The following CREB3L2 variants were observed in gnomAD, a reference collection of about 807,000 sequenced individuals.
CREB3L2 encodes the protein cAMP responsive element binding protein 3 like 2.
CREB3L2 carries 23 observed loss-of-function variants against 57.2 expected under a neutral mutation model. The ratio of observed to expected loss-of-function variants is 0.40; its 90% CI spans 0.29 to 0.57. The LOEUF is 0.57. CREB3L2 is among the 20% of genes least tolerant of loss of function. The pLI, the probability that CREB3L2 is intolerant of heterozygous loss-of-function variation, is 0.42. For synonymous variants in CREB3L2, 268 were observed against 265.1 expected, an observed-to-expected ratio of 1.01 and a Z score of -0.11; for missense variants, 628 against 634.7, an observed-to-expected ratio of 0.99 and a Z score of 0.11.
At chr7:137,989,692 G>A (rs1474112690) in intron 1 of CREB3L2, among the ~76,000 whole-genome samples, 1 of 151,906 alleles carries the variant, frequency 6.6e-6, no homozygotes, top group Non-Finnish European at 1.5e-5. Context: ...TGCCCTTTAC[G>A]TGTCGCTCCT....
intron 1 of CREB3L2, among the ~76,000 whole-genome samples, chr7:137,930,816 C>T (rs1585637295): frequency 6.6e-6 from 1 of 152,182 alleles, no homozygotes; most frequent in African/African-American, 2.4e-5. Context: ...CACATGCCAA[C>T]TGCCTGCATC....
At chr7:137,991,163 T>C (rs1380892161) in intron 1 of CREB3L2, among the ~76,000 whole-genome samples, 2 of 140,172 alleles carry the variant, frequency 1.4e-5, no homozygotes, top group Non-Finnish European at 1.5e-5. Flanking sequence ...TTTACATAGC[T>C]TTTTTTTTTT....
At chr7:137,912,627 G>A (rs1470657561) in intron 4 of CREB3L2, among the ~76,000 whole-genome samples, 3 of 152,162 alleles carry the variant, frequency 2.0e-5, no homozygotes, top group Non-Finnish European at 4.4e-5. Flanking sequence ...TTTTGTAGAT[G>A]GTTGTTGATT....
intron 1 of CREB3L2, among the ~76,000 whole-genome samples, chr7:137,988,010 T>C (rs1801820828): frequency 6.6e-6 from 1 of 152,222 alleles, no homozygotes; most frequent in Non-Finnish European, 1.5e-5. Context: ...AAACTCTGTG[T>C]CTCCTTCAAA....
chr7:137,902,020 C>A (rs1333750229), intron 7 of CREB3L2, among the ~76,000 whole-genome samples: 1 of 151,230 alleles, frequency 6.6e-6, no homozygotes, highest in Non-Finnish European at 1.5e-5. Context: ...ATGGTGAAAC[C>A]CCATCTCTAC....
At chr7:137,902,031 T>A (rs569892795) in intron 7 of CREB3L2, among the ~76,000 whole-genome samples, 1 of 151,276 alleles carries the variant, frequency 6.6e-6, no homozygotes, top group African/African-American at 2.4e-5. Flanking sequence ...CCATCTCTAC[T>A]AAAAATGCAA....
intron 1 of CREB3L2, among the ~76,000 whole-genome samples, chr7:137,936,112 C>T (rs1489554747): frequency 6.6e-6 from 1 of 152,178 alleles, no homozygotes; most frequent in Non-Finnish European, 1.5e-5. Context: ...CAGTACTCTC[C>T]ACTAAGGTTC....
chr7:137,924,332 C>T, intron 2 of CREB3L2, among the ~76,000 whole-genome samples: 1 of 152,210 alleles, frequency 6.6e-6, no homozygotes, highest in East Asian at 1.9e-4. Flanking sequence ...CTTGTATCAT[C>T]TTAGAGGATA....
At position 138,001,526 on chromosome 7, in the gene CREB3L2, C is replaced by T; in HGVS notation, c.102+78G>A. On this transcript the variant is annotated intron_variant, in intron 1 of 11. Transcript: ENST00000330387. This position sits in a 1 kb window ranked among gnomAD's most constrained non-coding sequence, Gnocchi z 4.2. ...GCCCCAAACCCTGCCTTCCCGGGTC[C>T]CAGGACTCCAGCTGCTCCTCGCGTG... is the stretch of plus-strand genomic sequence containing the variant. 2 of 1,114,890 alleles carry T rather than the reference C, an allele frequency of 1.8e-6. No homozygotes were observed. Among genetic ancestry groups the T allele is most frequent in the Non-Finnish European group, 2.6e-6 (2 of 765,662 alleles). The allele number at this position is 1,114,890 out of a possible 1,614,324, so 69.1% of individuals were successfully genotyped here. A position where few individuals can be genotyped will look rare whatever the true frequency, so the allele number is the denominator to read the frequency against.
At position 137,879,318 on chromosome 7, in the gene CREB3L2, G is replaced by A. The variant is rs962618809; in HGVS notation, c.*1158C>T. On this transcript the variant is annotated 3_prime_UTR_variant, in exon 12 of 12. Transcript: ENST00000330387. Reference sequence around the variant, plus strand: ...ACCCTGCTTTGTTGAGGTAGGGGACGAGGAGGACAAAGTGGAAGTGTGGAG... The same window carrying A: ...ACCCTGCTTTGTTGAGGTAGGGGACAAGGAGGACAAAGTGGAAGTGTGGAG... 125 of 523,036 alleles carry A rather than the reference G, an allele frequency of 2.4e-4. 2 individuals carry two copies. Among genetic ancestry groups the A allele is most frequent in the South Asian group, 1.8e-3 (112 of 61,476 alleles). 32.4% of individuals were successfully genotyped at this position (523,036 alleles called of 1,614,324 possible).
intron 2 of CREB3L2, among the ~76,000 whole-genome samples, chr7:137,922,415 T>TATATATATATATACAC (rs1491237233): frequency 4.3e-5 from 1 of 23,158 alleles, no homozygotes; most frequent in African/African-American, 1.4e-4. Flanking sequence ...TATATATATA[T>TATATATATATATACAC]GTATATATAT....
intron 5 of CREB3L2, among the ~76,000 whole-genome samples, chr7:137,907,259 T>C (rs1436277098): frequency 2.0e-5 from 3 of 152,100 alleles, no homozygotes; most frequent in Non-Finnish European, 4.4e-5. Flanking sequence ...TACCAACAAG[T>C]AACAGGGAAA....
chr7:137,970,279 A>G (rs1456964817), intron 1 of CREB3L2, among the ~76,000 whole-genome samples: 1 of 152,230 alleles, frequency 6.6e-6, no homozygotes, highest in Non-Finnish European at 1.5e-5. Context: ...CCTCACTTAA[A>G]CTGCCCAAAT....
chr7:137,924,762 T>G (rs1375956203), intron 2 of CREB3L2, among the ~76,000 whole-genome samples: 2 of 152,144 alleles, frequency 1.3e-5, no homozygotes, highest in Admixed American at 6.6e-5. Context: ...ATGCAGGATG[T>G]CTTTCTGGGG....
chr7:137,889,642 T>C (rs997542340), intron 8 of CREB3L2, among the ~76,000 whole-genome samples: 4 of 152,222 alleles, frequency 2.6e-5, no homozygotes, highest in Non-Finnish European at 5.9e-5. Context: ...TAAACGGAAC[T>C]GATGGTGGAA....
chr7:137,913,184 C>T (rs1800053929), intron 3 of CREB3L2, 106 bp from the exon 4 acceptor site: 3 of 1,158,992 alleles, frequency 2.6e-6, no homozygotes, highest in Admixed American at 2.5e-5. Flanking sequence ...GACAGCCCTG[C>T]CTATCCTGGA....
intron 2 of CREB3L2, among the ~76,000 whole-genome samples, chr7:137,917,823 G>C (rs1026851696): frequency 1.3e-5 from 2 of 152,156 alleles, no homozygotes; most frequent in Non-Finnish European, 2.9e-5. Context: ...ATGGGCAGGT[G>C]GTGGAAGATG....
At chr7:137,918,435 C>T (rs1256279742) in intron 2 of CREB3L2, among the ~76,000 whole-genome samples, 2 of 152,102 alleles carry the variant, frequency 1.3e-5, no homozygotes, top group African/African-American at 2.4e-5. Context: ...AGGTGATCGG[C>T]CTCCCAAAGT....
Position 137,885,101 on chromosome 7 carries a change from G to A in CREB3L2, c.1164C>T (p.Ala388=), listed in dbSNP as rs543408651. Residue 388 remains alanine (A), a synonymous_variant, in exon 10 of 12, where the codon GCC becomes GCT. Coordinates refer to ENST00000330387, the MANE Select transcript of CREB3L2 (RefSeq NM_194071.4). Reference sequence around the variant, plus strand: ...CTTGAAAGAAGCTGCCGAATGCAACGGCAAAGCACAGCACCACAACCTGTG... The same window carrying A: ...CTTGAAAGAAGCTGCCGAATGCAACAGCAAAGCACAGCACCACAACCTGTG... ...TCLMVVVLCF[A]VAFGSFFQGY... 1.2e-5 allele frequency: 19 copies of A among 1,614,108 alleles called. No individual in the cohort carries two copies. Among genetic ancestry groups the A allele is most frequent in the Admixed American group, 3.3e-5 (2 of 60,020 alleles).
Sources: allele counts gnomAD v4.1 joint callset (sites outside exome capture counted in the v4.1 genomes callset), GRCh38; gene constraint gnomAD v4.1.1; non-coding constraint Gnocchi (gnomAD v3.1); transcripts MANE v1.5; gene names NCBI Gene and HGNC (gene_info 2026-07-23, HGNC 2026-07-21).